Variants in GGACT observed in about 807,000 individuals in gnomAD.
GGACT encodes the protein gamma-glutamylamine cyclotransferase, also known as gamma-glutamylaminecyclotransferase.
For missense variants in GGACT, 241 were observed against 233.2 expected (o/e 1.03, Z -0.22); for synonymous variants, 118 against 115.3 (o/e 1.02, Z -0.15).
At chr13:100,557,998 T>C (rs1165688779) in intron 2 of GGACT, among the ~76,000 whole-genome samples, 1 of 151,696 alleles carries the variant, frequency 6.6e-6, no homozygotes, top group Non-Finnish European at 1.5e-5. Flanking sequence ...CTGACCAACA[T>C]GGAGAAACCC....
chr13:100,563,146 T>C (rs982407671), intron 2 of GGACT, among the ~76,000 whole-genome samples: 6 of 152,214 alleles, frequency 3.9e-5, no homozygotes, highest in Admixed American at 3.9e-4. Context: ...GTAGCAACCC[T>C]AGTGAATGAA....
At chr13:100,537,455 C>T (rs1594182564) in intron 2 of GGACT, 1 of 152,468 alleles carries the variant, frequency 6.6e-6, no homozygotes, top group African/African-American at 2.4e-5. Flanking sequence ...ACTTGCTCTT[C>T]CTGCTGCTGA....
At chr13:100,565,582 C>G (rs184088043) in intron 2 of GGACT, among the ~76,000 whole-genome samples, 25 of 152,292 alleles carry the variant, frequency 1.6e-4, no homozygotes, top group Admixed American at 7.8e-4. Flanking sequence ...GGTTAACCCC[C>G]CTTTCCTCCC....
chr13:100,548,769 A>C (rs1464346385), intron 2 of GGACT, among the ~76,000 whole-genome samples: 1 of 152,250 alleles, frequency 6.6e-6, no homozygotes, highest in Non-Finnish European at 1.5e-5. Context: ...CTCCTGTCAA[A>C]CATCTGGGAA....
At position 100,545,397 on chromosome 13, in the gene GGACT, A is replaced by G. The variant is rs2088595673; in HGVS notation, c.-10-12796T>C. ...AGCAGAGCCTTCACGTCCCTTCCTG[A>G]CCTCCTTCCTGACCTCCACGTCCCA... On this transcript the variant is annotated intron_variant, in intron 2 of 2. Coordinates refer to ENST00000683975, the MANE Select transcript of GGACT (RefSeq NM_001195087.2). The surrounding 1 kb of genome is among the most constrained non-coding windows in gnomAD (Gnocchi z 4.4). Among the ~76,000 whole-genome samples the G allele has an allele frequency of 1.3e-5, 2 of 151,834 alleles. No individual in the cohort carries two copies. Among genetic ancestry groups the G allele is most frequent in the African/African-American group, 2.4e-5 (1 of 41,332 alleles).
chr13:100,559,068 AC>A (rs1328887222), intron 2 of GGACT, among the ~76,000 whole-genome samples: 1 of 152,140 alleles, frequency 6.6e-6, no homozygotes, highest in East Asian at 1.9e-4. Context: ...AGTGTTCTAA[AC>A]CCACCACGGT....
In GGACT at chr13:100,545,509, G is replaced by C. The variant is rs1198778286; in HGVS notation, c.-10-12908C>G. Among the ~76,000 whole-genome samples the C allele has an allele frequency of 1.3e-5, 2 of 152,180 alleles. No individual in the cohort carries two copies. The highest frequency in any genetic ancestry group is 2.9e-5 in the Non-Finnish European group (2 of 68,034). On this transcript the variant is annotated intron_variant, in intron 2 of 2. Transcript: ENST00000683975. The surrounding 1 kb of genome is among the most constrained non-coding windows in gnomAD (Gnocchi z 4.4). Reference sequence around the variant, plus strand: ...GTGGCCTGGGCTGCCCTCATACCAGGCTCCAGTCACATCTGCCGTGGCCTC... The same window carrying C: ...GTGGCCTGGGCTGCCCTCATACCAGCCTCCAGTCACATCTGCCGTGGCCTC...
chr13:100,534,394 A>AAGGAGAACCTGGGGTAGG lies in GGACT; in HGVS notation c.-10-1811_-10-1794dup, dbSNP rs1252288348. Among the ~76,000 whole-genome samples the AAGGAGAACCTGGGGTAGG allele has an allele frequency of 6.6e-6, 1 of 152,054 alleles. No individual in the cohort carries two copies. Among genetic ancestry groups the AAGGAGAACCTGGGGTAGG allele is most frequent in the Non-Finnish European group, 1.5e-5 (1 of 68,024 alleles). ...GGATAGGAAAGTTGAGATGTGAATT[A>AAGGAGAACCTGGGGTAGG]AGGAGAACCTGGGGTAGGACGGTAC... is the stretch of plus-strand genomic sequence containing the variant. On this transcript the variant is annotated intron_variant, in intron 2 of 2. Coordinates refer to ENST00000683975, the MANE Select transcript of GGACT (RefSeq NM_001195087.2). The surrounding 1 kb of genome is among the most constrained non-coding windows in gnomAD (Gnocchi z 4.9).
At chr13:100,556,845 T>G (rs1043651480) in intron 2 of GGACT, among the ~76,000 whole-genome samples, 3 of 152,160 alleles carry the variant, frequency 2.0e-5, no homozygotes, top group African/African-American at 7.2e-5. Context: ...GGATCTAGAA[T>G]AGCCAAAACA....
chr13:100,531,269 G>C lies in GGACT; in HGVS notation c.*861C>G, dbSNP rs933621135. 1.3e-5 allele frequency: 2 copies of C among 152,058 alleles called. No individual in the cohort carries two copies. Among genetic ancestry groups the C allele is most frequent in the African/African-American group, 2.4e-5 (1 of 41,346 alleles). The allele number at this position is 152,058 out of a possible 1,614,324, so 9.4% of individuals were successfully genotyped here. A position where few individuals can be genotyped will look rare whatever the true frequency, so the allele number is the denominator to read the frequency against. Reference sequence around the variant, plus strand: ...GCTAAAATTATTTTAAGTGCTGTTTGTATTTGGAAGCTAAGCTTCTGTCAG... The same window carrying C: ...GCTAAAATTATTTTAAGTGCTGTTTCTATTTGGAAGCTAAGCTTCTGTCAG... On this transcript the variant is annotated 3_prime_UTR_variant, in exon 3 of 3. Transcript: ENST00000683975.
chr13:100,535,967 G>C (rs1034929292), intron 2 of GGACT: 1 of 152,022 alleles, frequency 6.6e-6, no homozygotes, highest in African/African-American at 2.4e-5. Context: ...CCTCATTCCT[G>C]TCCCGTCCTC....
In GGACT at chr13:100,573,320, AATATGTGCAT is replaced by A. The variant is rs939555290; in HGVS notation, c.-11+10495_-11+10504del. Among the ~76,000 whole-genome samples, 24 of 152,294 alleles carry A rather than the reference AATATGTGCAT, an allele frequency of 1.6e-4. No individual in the cohort carries two copies. The East Asian group carries it at 1.9e-3, about 12-fold the overall frequency. Reference sequence around the variant, plus strand: ...CATTACCCCTTCCCCCATCCCATGAAATATGTGCATATATGTGCATATATGTGACTTCATT... The same window carrying A: ...CATTACCCCTTCCCCCATCCCATGAAATATGTGCATATATGTGACTTCATT... On this transcript the variant is annotated intron_variant, in intron 2 of 2. Transcript: ENST00000683975.
At position 100,585,227 on chromosome 13, in the gene GGACT, G is replaced by T. The variant is rs141006526; in HGVS notation, c.-183-1230C>A. 1.8e-4 allele frequency among the ~76,000 whole-genome samples: 27 copies of T among 152,350 alleles called. No homozygotes were observed. The East Asian group carries it at 4.4e-3, about 25-fold the overall frequency. On this transcript the variant is annotated intron_variant, in intron 1 of 2. Transcript: ENST00000683975. ...GAGGAAACCCGCCAAGGCTGCTCTA[G>T]ACTTGGGTCGGCAAACCACAGCCTG...
chr13:100,574,797 A>G (rs957175676), intron 2 of GGACT, among the ~76,000 whole-genome samples: 1 of 152,182 alleles, frequency 6.6e-6, no homozygotes, highest in Non-Finnish European at 1.5e-5. Flanking sequence ...TCTAAAATAA[A>G]AGCTGAACTA....
intron 2 of GGACT, among the ~76,000 whole-genome samples, chr13:100,562,160 C>A (rs902656894): frequency 1.3e-5 from 2 of 152,102 alleles, no homozygotes; most frequent in Non-Finnish European, 2.9e-5. Flanking sequence ...TGGAAGTACA[C>A]AGAAGTTGTG....
intron 2 of GGACT, among the ~76,000 whole-genome samples, chr13:100,576,199 G>T (rs1875242997): frequency 6.6e-6 from 1 of 152,042 alleles, no homozygotes; most frequent in Non-Finnish European, 1.5e-5. Context: ...ACTTGTAAGA[G>T]AATTATTAAA....
At position 100,532,019 on chromosome 13, in the gene GGACT, G is replaced by T; in HGVS notation, c.*111C>A. 1 of 673,802 alleles carries T rather than the reference G, an allele frequency of 1.5e-6. No individual in the cohort carries two copies. Among genetic ancestry groups the T allele is most frequent in the Non-Finnish European group, 2.2e-6 (1 of 448,930 alleles). The allele number at this position is 673,802 out of a possible 1,614,324, so 41.7% of individuals were successfully genotyped here. A position where few individuals can be genotyped will look rare whatever the true frequency, so the allele number is the denominator to read the frequency against. On this transcript the variant is annotated 3_prime_UTR_variant, in exon 3 of 3. Transcript: ENST00000683975. Reference sequence around the variant, plus strand: ...GCCACTGAAAGATTGGTTCCTTTCCGGCAGATTCATTGGAAAGGGCCCTGT... The same window carrying T: ...GCCACTGAAAGATTGGTTCCTTTCCTGCAGATTCATTGGAAAGGGCCCTGT...
intron 2 of GGACT, among the ~76,000 whole-genome samples, chr13:100,558,541 G>A (rs1186483924): frequency 1.3e-5 from 2 of 152,170 alleles, no homozygotes; most frequent in African/African-American, 4.8e-5. Flanking sequence ...CTCATACATT[G>A]CTTCTGGGAA....
At chr13:100,556,751 A>G (rs986276005) in intron 2 of GGACT, among the ~76,000 whole-genome samples, 12 of 152,234 alleles carry the variant, frequency 7.9e-5, no homozygotes, top group African/African-American at 2.9e-4. Flanking sequence ...TGCTTGTATC[A>G]AAGCATCTCA....
Sources: gnomAD v4.1 joint callset for allele counts (sites outside exome capture counted in the v4.1 genomes callset) on GRCh38, gnomAD v4.1.1 for gene constraint, Gnocchi (gnomAD v3.1) non-coding constraint, MANE v1.5 for transcripts, NCBI Gene and HGNC (gene_info 2026-07-23, HGNC 2026-07-21) for gene names.